The following SV2C variants were observed in gnomAD, a reference collection of about 807,000 sequenced individuals.
SV2C encodes the protein synaptic vesicle glycoprotein 2C, also known as solute carrier family 22 member B3.
A neutral mutation model predicts 79.7 loss-of-function variants in SV2C; 49 were observed. The ratio of observed to expected loss-of-function variants is 0.61; its 90% CI spans 0.49 to 0.78. The LOEUF (loss-of-function observed/expected upper bound fraction) is 0.78, where lower values mean the gene tolerates loss of function less well. SV2C is among the 30% of genes least tolerant of loss of function. The pLI is 0.00. For synonymous variants in SV2C, 334 were observed against 333.2 expected (o/e 1.00, Z -0.03); for missense variants, 833 against 912.9 (o/e 0.91, Z 1.13).
chr5:76,070,953 T>C, the SV2C span, among the ~76,000 whole-genome samples: 2 of 152,220 alleles, frequency 1.3e-5, no homozygotes, highest in Admixed American at 1.3e-4. Flanking sequence ...ATGCAGGAGT[T>C]GCACAGCCTT....
intron 12 of SV2C, among the ~76,000 whole-genome samples, chr5:76,318,562 A>C (rs1748716240): frequency 6.6e-6 from 1 of 152,220 alleles, no homozygotes; most frequent in Non-Finnish European, 1.5e-5. Flanking sequence ...TGCTGCTGCA[A>C]ACCAGCTCCA....
the SV2C span, among the ~76,000 whole-genome samples, chr5:75,933,406 C>G: frequency 4.6e-5 from 7 of 152,304 alleles, no homozygotes; most frequent in African/African-American, 1.7e-4. Flanking sequence ...ATATCCTCAT[C>G]ATTTGGCCCC....
chr5:76,149,821 C>T (rs1749547393), intron 2 of SV2C, among the ~76,000 whole-genome samples: 1 of 152,152 alleles, frequency 6.6e-6, no homozygotes, highest in Non-Finnish European at 1.5e-5. Context: ...GCTTCAAATC[C>T]CAGAATGGAC....
chr5:75,883,946 C>G, the SV2C span, among the ~76,000 whole-genome samples: 1 of 151,868 alleles, frequency 6.6e-6, no homozygotes, highest in Non-Finnish European at 1.5e-5. Context: ...TCTGAGTACT[C>G]TATTTAATGG....
chr5:75,919,573 C>T, the SV2C span, among the ~76,000 whole-genome samples: 1 of 152,172 alleles, frequency 6.6e-6, no homozygotes, highest in Non-Finnish European at 1.5e-5. Context: ...AAATTCTCAC[C>T]TAGCTGTCTG....
the SV2C span, among the ~76,000 whole-genome samples, chr5:75,941,111 C>T: frequency 6.6e-6 from 1 of 152,126 alleles, no homozygotes; most frequent in Non-Finnish European, 1.5e-5. Flanking sequence ...TAAGTGATGT[C>T]TCAGGTTGCT....
chr5:76,306,112 A>G (rs1172980496), intron 12 of SV2C, among the ~76,000 whole-genome samples: 1 of 152,176 alleles, frequency 6.6e-6, no homozygotes, highest in Non-Finnish European at 1.5e-5. Context: ...CAGTGATTCA[A>G]TCATAGCTCA....
At chr5:76,031,025 A>C in the SV2C span, among the ~76,000 whole-genome samples, 1 of 152,264 alleles carries the variant, frequency 6.6e-6, no homozygotes, top group African/African-American at 2.4e-5. Flanking sequence ...TAAATGGTGC[A>C]AAATATTCAT....
intron 1 of SV2C, among the ~76,000 whole-genome samples, chr5:76,084,980 G>A (rs568856986): frequency 4.6e-4 from 70 of 152,348 alleles, no homozygotes; most frequent in African/African-American, 1.7e-3. Flanking sequence ...CGTCTTTTAA[G>A]GCTCATGAGA....
At chr5:76,031,790 G>C in the SV2C span, among the ~76,000 whole-genome samples, 1 of 152,146 alleles carries the variant, frequency 6.6e-6, no homozygotes, top group Non-Finnish European at 1.5e-5. Context: ...ATGTTATTAA[G>C]AATATTTCTG....
chr5:75,971,615 C>T, the SV2C span, among the ~76,000 whole-genome samples: 1 of 152,066 alleles, frequency 6.6e-6, no homozygotes, highest in Non-Finnish European at 1.5e-5. Flanking sequence ...ATCTAACTTA[C>T]AAGGGACATG....
At chr5:75,907,656 G>C in the SV2C span, among the ~76,000 whole-genome samples, 1 of 152,192 alleles carries the variant, frequency 6.6e-6, no homozygotes, top group Non-Finnish European at 1.5e-5. Context: ...GTCAGCTAGT[G>C]GCTACTGGTT....
chr5:75,986,362 G>A, the SV2C span, among the ~76,000 whole-genome samples: 1 of 151,736 alleles, frequency 6.6e-6, no homozygotes, highest in Non-Finnish European at 1.5e-5. Context: ...AGCAGAGAGT[G>A]AAGTGATGTG....
At chr5:76,094,306 C>T (rs1259310236) in intron 1 of SV2C, among the ~76,000 whole-genome samples, 1 of 152,038 alleles carries the variant, frequency 6.6e-6, no homozygotes, top group Non-Finnish European at 1.5e-5. Context: ...TAGAAAGTTC[C>T]CTGTATCCCT....
the SV2C span, among the ~76,000 whole-genome samples, chr5:75,872,086 A>T: frequency 7.0e-6 from 1 of 143,250 alleles, no homozygotes; most frequent in African/African-American, 2.7e-5. Context: ...TATATATGAT[A>T]ATATATATGA....
At chr5:76,263,257 T>C (rs750620993) in intron 4 of SV2C, among the ~76,000 whole-genome samples, 1 of 151,738 alleles carries the variant, frequency 6.6e-6, no homozygotes, top group Non-Finnish European at 1.5e-5. Context: ...TTGCAACCCC[T>C]GCTTTTTTGT....
At chr5:76,315,740 C>T (rs547243465) in intron 12 of SV2C, among the ~76,000 whole-genome samples, 1 of 152,222 alleles carries the variant, frequency 6.6e-6, no homozygotes, top group East Asian at 1.9e-4. Context: ...AAGCTCTGTG[C>T]TGTGAGAAGC....
At chr5:76,254,897 C>G (rs889970224) in intron 4 of SV2C, among the ~76,000 whole-genome samples, 7 of 152,170 alleles carry the variant, frequency 4.6e-5, no homozygotes, top group African/African-American at 1.2e-4. Flanking sequence ...GGCATATTGG[C>G]TGGGGTCCAC....
chr5:76,182,342 T>C (rs569481678), intron 2 of SV2C, among the ~76,000 whole-genome samples: 1 of 152,176 alleles, frequency 6.6e-6, no homozygotes, highest in Non-Finnish European at 1.5e-5. Flanking sequence ...ATCCTTAATG[T>C]GAACTTCAAC....
Sources: allele counts gnomAD v4.1 joint callset (sites outside exome capture counted in the v4.1 genomes callset), GRCh38; gene constraint gnomAD v4.1.1; transcripts MANE v1.5; gene names NCBI Gene and HGNC (gene_info 2026-07-23, HGNC 2026-07-21).